The following PPP1R14C variants were observed in gnomAD, a reference collection of about 807,000 sequenced individuals.
PPP1R14C encodes the protein protein phosphatase 1 regulatory subunit 14C.
In PPP1R14C, 16 loss-of-function variants were observed where a neutral mutation model predicts 20.4. The observed-to-expected ratio is 0.78, with a 90% CI of 0.53 to 1.19. The LOEUF (loss-of-function observed/expected upper bound fraction) is 1.19. Among genes scored for constraint, PPP1R14C ranks in the 50% most tolerant of loss-of-function variants. The pLI is 0.00. For missense variants in PPP1R14C, 211 were observed against 220.1 expected (o/e 0.96, Z 0.26); for synonymous variants, 91 against 91.0 (o/e 1.00, Z 0.00).
intron 1 of PPP1R14C, among the ~76,000 whole-genome samples, chr6:150,172,292 A>G (rs1777509019): frequency 6.6e-6 from 1 of 152,140 alleles, no homozygotes; most frequent in South Asian, 2.1e-4. Context: ...TCTAGATGGG[A>G]AATATTAGAT....
intron 3 of PPP1R14C, among the ~76,000 whole-genome samples, chr6:150,219,335 T>A (rs879744065): frequency 2.0e-5 from 3 of 151,848 alleles, no homozygotes; most frequent in African/African-American, 4.8e-5. Flanking sequence ...TTCAAGTGAT[T>A]CTTGTGCTTC....
chr6:150,176,808 G>A (rs569622683), intron 1 of PPP1R14C, among the ~76,000 whole-genome samples: 2 of 152,308 alleles, frequency 1.3e-5, no homozygotes, highest in African/African-American at 2.4e-5. Flanking sequence ...CTGAAGGAGT[G>A]GCTTCAAACA....
At chr6:150,214,628 C>A in intron 1 of PPP1R14C, 116 bp from the exon 2 acceptor site, 1 of 672,742 alleles carries the variant, frequency 1.5e-6, no homozygotes, top group Non-Finnish European at 2.6e-6. Flanking sequence ...CCCTGCTTAT[C>A]TGTCAGCCCT....
chr6:150,156,720 T>C (rs1346998711), intron 1 of PPP1R14C, among the ~76,000 whole-genome samples: 1 of 152,236 alleles, frequency 6.6e-6, no homozygotes, highest in African/African-American at 2.4e-5. Context: ...AACATGATTA[T>C]GCTTGCTATA....
intron 1 of PPP1R14C, among the ~76,000 whole-genome samples, chr6:150,158,576 G>T (rs955916109): frequency 7.9e-5 from 12 of 152,226 alleles, no homozygotes; most frequent in African/African-American, 2.9e-4. Context: ...CTAGAAAAGA[G>T]ATTTGGATGA....
chr6:150,191,970 G>A (rs1317122327), intron 1 of PPP1R14C, among the ~76,000 whole-genome samples: 2 of 152,134 alleles, frequency 1.3e-5, no homozygotes, highest in East Asian at 1.9e-4. Flanking sequence ...TGTGCACAGA[G>A]GCTGGAGCTT....
chr6:150,199,450 TCTGTGTGAGGACA>T (rs1777850092), intron 1 of PPP1R14C, among the ~76,000 whole-genome samples: 1 of 152,192 alleles, frequency 6.6e-6, no homozygotes, highest in Admixed American at 6.5e-5. Context: ...CTTCCTCTGA[TCTGTGTGAGGACA>T]CTGTGTTCTG....
intron 1 of PPP1R14C, among the ~76,000 whole-genome samples, chr6:150,159,171 C>T (rs147648151): frequency 9.8e-5 from 15 of 152,300 alleles, no homozygotes; most frequent in Middle Eastern, 3.4e-3. Context: ...TATCATCAGC[C>T]ATTCCTTTGT....
chr6:150,202,549 CAGA>C (rs1480628015), intron 1 of PPP1R14C, among the ~76,000 whole-genome samples: 1 of 152,248 alleles, frequency 6.6e-6, no homozygotes, highest in African/African-American at 2.4e-5. Context: ...CCCCATTGGG[CAGA>C]AGAAGCTTCG....
At chr6:150,209,379 C>T (rs536053804) in intron 1 of PPP1R14C, among the ~76,000 whole-genome samples, 14 of 152,162 alleles carry the variant, frequency 9.2e-5, no homozygotes, top group Non-Finnish European at 2.1e-4. Flanking sequence ...ACAGGGCTGA[C>T]AGTGTAAACT....
rs1778067630 is a variant in PPP1R14C at position 150,214,617 on chromosome 6, C to T, written c.307-127C>T. 7.6e-6 allele frequency: 5 copies of T among 657,086 alleles called. No individual in the cohort carries two copies. The East Asian group carries it at 1.6e-4, about 21-fold the overall frequency. The allele number at this position is 657,086 out of a possible 1,614,324, so 40.7% of individuals were successfully genotyped here. On this transcript the variant is annotated intron_variant, in intron 1 of 3. Coordinates refer to ENST00000361131, the MANE Select transcript of PPP1R14C (RefSeq NM_030949.3). ...CTCCTCTCCCCCTAGCCTCTCCTTC[C>T]CCCTGCTTATCTGTCAGCCCTTCTC...
chr6:150,151,053 T>C (rs76524134), intron 1 of PPP1R14C, among the ~76,000 whole-genome samples: 1 of 152,024 alleles, frequency 6.6e-6, no homozygotes, highest in Non-Finnish European at 1.5e-5. Context: ...GTTTTGTTTT[T>C]TTTTCCTTCA....
intron 2 of PPP1R14C, among the ~76,000 whole-genome samples, chr6:150,216,219 G>A (rs1166636522): frequency 5.3e-5 from 8 of 152,134 alleles, no homozygotes; most frequent in Non-Finnish European, 1.2e-4. Context: ...CAAGGGGCTG[G>A]GCATGGTAGC....
intron 3 of PPP1R14C, among the ~76,000 whole-genome samples, chr6:150,233,444 A>AC (rs1206895988): frequency 6.6e-6 from 1 of 152,138 alleles, no homozygotes; most frequent in Non-Finnish European, 1.5e-5. Flanking sequence ...CTAAATAAAG[A>AC]CCCCCAAACA....
chr6:150,238,792 G>A (rs960508763), intron 3 of PPP1R14C, among the ~76,000 whole-genome samples: 2 of 152,230 alleles, frequency 1.3e-5, no homozygotes, highest in African/African-American at 4.8e-5. Context: ...GCATCAAGAA[G>A]CCTGGATTCA....
At chr6:150,235,040 G>A (rs1428957407) in intron 3 of PPP1R14C, among the ~76,000 whole-genome samples, 3 of 152,094 alleles carry the variant, frequency 2.0e-5, no homozygotes, top group Non-Finnish European at 4.4e-5. Flanking sequence ...GGGACCAGAT[G>A]AGCTCTAAAT....
chr6:150,243,562 C>A (rs1222424287), intron 3 of PPP1R14C, among the ~76,000 whole-genome samples: 1 of 152,130 alleles, frequency 6.6e-6, no homozygotes, highest in African/African-American at 2.4e-5. Flanking sequence ...ACTAACATTA[C>A]CTGATTTCAG....
chr6:150,245,978 A>G (rs9397780), intron 3 of PPP1R14C, among the ~76,000 whole-genome samples: 2,242 of 152,338 alleles, frequency 0.015, 41 homozygotes, highest in East Asian at 0.1. Flanking sequence ...ATGTTAATAT[A>G]AAATTTAAAA....
chr6:150,240,454 G>C (rs932959290), intron 3 of PPP1R14C, among the ~76,000 whole-genome samples: 1 of 152,202 alleles, frequency 6.6e-6, no homozygotes, highest in African/African-American at 2.4e-5. Flanking sequence ...CAAGAGTGCT[G>C]GTTACAGAAA....
Sources: gnomAD v4.1 joint callset for allele counts (sites outside exome capture counted in the v4.1 genomes callset) on GRCh38, gnomAD v4.1.1 for gene constraint, MANE v1.5 for transcripts, NCBI Gene and HGNC (gene_info 2026-07-23, HGNC 2026-07-21) for gene names.